TBC1D5: variants seen among roughly 807,000 people sequenced by gnomAD.
TBC1D5 encodes TBC1 domain family member 5.
In TBC1D5, 75 loss-of-function variants were observed where a neutral mutation model predicts 100.3. That is an observed-to-expected ratio of 0.75 (90% confidence interval 0.62 to 0.91). The LOEUF (loss-of-function observed/expected upper bound fraction) is 0.91, where lower values mean the gene tolerates loss of function less well. Among genes scored for constraint, TBC1D5 ranks in the 40% least tolerant of loss-of-function variants. TBC1D5 has a pLI of 0.00. For missense variants in TBC1D5, 910 were observed against 942.4 expected, an observed-to-expected ratio of 0.97 and a Z score of 0.45; for synonymous variants, 323 against 325.6, an observed-to-expected ratio of 0.99 and a Z score of 0.09.
intron 16 of TBC1D5, among the ~76,000 whole-genome samples, chr3:17,241,883 C>A (rs985488460): frequency 1.3e-4 from 20 of 152,068 alleles, no homozygotes; most frequent in East Asian, 3.8e-4. Flanking sequence ...CCCAAAAAAA[C>A]CCCAAATTAT....
In TBC1D5 at chr3:17,390,493, A is replaced by G. The variant is rs577955299; in HGVS notation, c.510-6478T>C. Among the ~76,000 whole-genome samples the G allele has an allele frequency of 1.0e-3, 159 of 152,258 alleles. 1 individual carries two copies. Among genetic ancestry groups the G allele is most frequent in the Non-Finnish European group, 1.5e-3 (105 of 68,010 alleles). On this transcript the variant is annotated intron_variant, in intron 8 of 21. Coordinates refer to ENST00000253692, the Ensembl canonical transcript of TBC1D5. ...AAAACAGACAAAGCATTGGGCTCAG[A>G]TGAAATACTGAAGATGCAAGTATTC...
At position 17,367,640 on chromosome 3, in the gene TBC1D5, C is replaced by T. The variant is rs913707155; in HGVS notation, c.995+4435G>A. ...TTGGGAAGCCCGGGCGGGCAGATCA[C>T]TCAAGGTCAGGAGTTTGAGACCTGC... On this transcript the variant is annotated intron_variant, in intron 13 of 21. Transcript: ENST00000253692. Among the ~76,000 whole-genome samples the T allele has an allele frequency of 1.1e-3, 166 of 152,250 alleles. 1 individual carries two copies. The highest frequency in any genetic ancestry group is 3.9e-3 in the African/African-American group (162 of 41,556).
At chr3:17,380,039 C>CTGTGTG (rs1442340088) in intron 9 of TBC1D5, among the ~76,000 whole-genome samples, 1,453 of 100,086 alleles carry the variant, frequency 0.015, 25 homozygotes, top group Non-Finnish European at 0.015. Flanking sequence ...ACAGCTGTGA[C>CTGTGTG]TGTGTATGTG....
rs1457430013 is a variant in TBC1D5 at position 17,284,111 on chromosome 3, C to CACACACACACACACAT, written c.1245+7783_1245+7784insATGTGTGTGTGTGTGT. On this transcript the variant is annotated intron_variant, in intron 15 of 21. Coordinates refer to ENST00000253692, the Ensembl canonical transcript of TBC1D5. The stretch of plus-strand genomic sequence containing the variant: ...TTTTACACACACACACACACACACA[C>CACACACACACACACAT]ACACACACACACGTATTTTTAATTT... 7.3e-4 allele frequency among the ~76,000 whole-genome samples: 110 copies of CACACACACACACACAT among 150,978 alleles called. 2 individuals are homozygous for CACACACACACACACAT. Among genetic ancestry groups the CACACACACACACACAT allele is most frequent in the African/African-American group, 2.3e-3 (93 of 40,772 alleles).
intron 15 of TBC1D5, among the ~76,000 whole-genome samples, chr3:17,265,257 CAA>C (rs2078731310): frequency 3.6e-5 from 4 of 110,976 alleles, no homozygotes; most frequent in African/African-American, 1.3e-4. Flanking sequence ...ATTAAACTGA[CAA>C]ATTCTATAGC....
intron 13 of TBC1D5, among the ~76,000 whole-genome samples, chr3:17,358,841 C>A (rs1157689430): frequency 6.6e-6 from 1 of 151,818 alleles, no homozygotes; most frequent in Non-Finnish European, 1.5e-5. Flanking sequence ...ATAATAAGAA[C>A]CTTTGGAGAT....
chr3:17,345,720 C>T (rs1356246129), intron 13 of TBC1D5, among the ~76,000 whole-genome samples: 1 of 151,670 alleles, frequency 6.6e-6, no homozygotes, highest in East Asian at 1.9e-4. Flanking sequence ...CACATATACA[C>T]CATGGAATAC....
chr3:17,593,032 A>G (rs1001192687), intron 2 of TBC1D5, among the ~76,000 whole-genome samples: 2 of 152,142 alleles, frequency 1.3e-5, no homozygotes, highest in African/African-American at 4.8e-5. Context: ...AGTGGTATAC[A>G]CATGATCGGA....
intron 1 of TBC1D5, among the ~76,000 whole-genome samples, chr3:17,640,357 A>T (rs992937219): frequency 6.6e-6 from 1 of 152,172 alleles, no homozygotes; most frequent in African/African-American, 2.4e-5. Context: ...ACTTTATTAA[A>T]ACTAAATAAA....
chr3:17,516,202 A>G (rs1411234062), intron 2 of TBC1D5, among the ~76,000 whole-genome samples: 1 of 152,224 alleles, frequency 6.6e-6, no homozygotes, highest in Non-Finnish European at 1.5e-5. Context: ...CACCAGAAGT[A>G]ATTTCTCCCT....
chr3:17,284,361 G>A (rs181692873), intron 15 of TBC1D5, among the ~76,000 whole-genome samples: 167 of 152,138 alleles, frequency 1.1e-3, no homozygotes, highest in African/African-American at 3.1e-3. Flanking sequence ...CGAGTGATCC[G>A]CCTGCCTCTG....
intron 3 of TBC1D5, among the ~76,000 whole-genome samples, chr3:17,458,084 G>C (rs1389372480): frequency 1.3e-5 from 2 of 152,168 alleles, no homozygotes; most frequent in African/African-American, 4.8e-5. Context: ...CCTAACAGCA[G>C]AGTAAGAAAC....
chr3:17,561,074 G>A (rs1471456370), intron 2 of TBC1D5, among the ~76,000 whole-genome samples: 1 of 152,132 alleles, frequency 6.6e-6, no homozygotes, highest in Non-Finnish European at 1.5e-5. Context: ...GAAAAAGAGG[G>A]CTGTGATTGG....
intron 1 of TBC1D5, among the ~76,000 whole-genome samples, chr3:17,652,444 A>G (rs2065666518): frequency 6.6e-6 from 1 of 152,222 alleles, no homozygotes; most frequent in Non-Finnish European, 1.5e-5. Flanking sequence ...TCAGGTATTT[A>G]TTATACATGT....
intron 4 of TBC1D5, among the ~76,000 whole-genome samples, chr3:17,412,919 C>A (rs963384167): frequency 2.0e-5 from 3 of 151,794 alleles, no homozygotes; most frequent in Non-Finnish European, 4.4e-5. Context: ...AGAAATATAC[C>A]CTTGTTTTCT....
chr3:17,549,005 T>C (rs2153443447), intron 2 of TBC1D5, among the ~76,000 whole-genome samples: 1 of 152,304 alleles, frequency 6.6e-6, no homozygotes, highest in Admixed American at 6.5e-5. Context: ...TTTATTAAAT[T>C]ATCAAGTGGT....
intron 3 of TBC1D5, among the ~76,000 whole-genome samples, chr3:17,441,409 G>A (rs1397597328): frequency 6.6e-6 from 1 of 152,152 alleles, no homozygotes; most frequent in African/African-American, 2.4e-5. Context: ...GAAGATGAAG[G>A]TAATATCTGA....
intron 2 of TBC1D5, among the ~76,000 whole-genome samples, chr3:17,515,103 T>C (rs1256219820): frequency 2.0e-5 from 3 of 152,056 alleles, no homozygotes; most frequent in African/African-American, 2.4e-5. Flanking sequence ...ATTTGGCGAA[T>C]TATATTAAAC....
chr3:17,588,833 A>C (rs937963734), intron 2 of TBC1D5, among the ~76,000 whole-genome samples: 2 of 152,218 alleles, frequency 1.3e-5, no homozygotes, highest in African/African-American at 4.8e-5. Context: ...CAAATATAAA[A>C]AGTCAACATA....
Sources: allele counts gnomAD v4.1 joint callset (sites outside exome capture counted in the v4.1 genomes callset), GRCh38; gene constraint gnomAD v4.1.1; transcripts MANE v1.5; gene names NCBI Gene and HGNC (gene_info 2026-07-23, HGNC 2026-07-21).